Variants in CMTM8 observed in about 807,000 individuals in gnomAD.
The protein encoded by CMTM8 is CKLF-like MARVEL transmembrane domain-containing protein 8.
Under a neutral mutation model 18.6 loss-of-function variants are expected in CMTM8, and 12 were observed. The ratio of observed to expected loss-of-function variants is 0.65; its 90% CI spans 0.41 to 1.05. The LOEUF is 1.05. CMTM8 is among the 50% of genes least tolerant of loss of function. The pLI, the probability that CMTM8 is intolerant of heterozygous loss-of-function variation, is 0.00. For synonymous variants in CMTM8, 87 were observed against 90.6 expected (o/e 0.96, Z 0.23); for missense variants, 217 against 227.2 (o/e 0.95, Z 0.29).
intron 1 of CMTM8, among the ~76,000 whole-genome samples, chr3:32,250,283 T>G (rs557097176): frequency 6.6e-6 from 1 of 152,384 alleles, no homozygotes; most frequent in South Asian, 2.1e-4. Flanking sequence ...AACTTTGTAG[T>G]AAGTTTTGAA....
intron 1 of CMTM8, among the ~76,000 whole-genome samples, chr3:32,280,492 A>T (rs1317960458): frequency 1.3e-5 from 2 of 152,128 alleles, no homozygotes; most frequent in Non-Finnish European, 1.5e-5. Flanking sequence ...CAGACTGGTC[A>T]TGGGCCACTT....
chr3:32,336,022 G>T (rs1180186568), intron 1 of CMTM8, among the ~76,000 whole-genome samples: 2 of 152,216 alleles, frequency 1.3e-5, no homozygotes, highest in African/African-American at 4.8e-5. Flanking sequence ...CAGCATGAGG[G>T]CATGGATTCT....
chr3:32,246,017 G>A (rs1702010686), intron 1 of CMTM8, among the ~76,000 whole-genome samples: 1 of 152,096 alleles, frequency 6.6e-6, no homozygotes, highest in Admixed American at 6.5e-5. Flanking sequence ...AGGGTTTCAC[G>A]AAGTTAGCTA....
In CMTM8 at chr3:32,335,972, C is replaced by T. The variant is rs76833610; in HGVS notation, c.148-21401C>T. 6.1e-3 allele frequency among the ~76,000 whole-genome samples: 928 copies of T among 152,302 alleles called. 5 individuals are homozygous for T. Among genetic ancestry groups the T allele is most frequent in the Non-Finnish European group, 8.9e-3 (604 of 68,028 alleles). ...GGGAATGACAGACTCCAGAAAGCAG[C>T]CCTGACCAAGTGGGAGAGGCCCTCC... On this transcript the variant is annotated intron_variant, in intron 1 of 3. Coordinates refer to ENST00000307526, the MANE Select transcript of CMTM8 (RefSeq NM_178868.5).
intron 1 of CMTM8, among the ~76,000 whole-genome samples, chr3:32,313,363 G>A (rs1161499565): frequency 1.3e-5 from 2 of 152,162 alleles, no homozygotes; most frequent in East Asian, 3.8e-4. Context: ...GTATTCCTGT[G>A]TAGTGAGCTG....
chr3:32,351,987 G>T lies in CMTM8; in HGVS notation c.148-5386G>T, dbSNP rs147080678. 2.0e-3 allele frequency among the ~76,000 whole-genome samples: 298 copies of T among 152,012 alleles called. 1 individual carries two copies. Among genetic ancestry groups the T allele is most frequent in the Non-Finnish European group, 3.1e-3 (209 of 67,958 alleles). ...AGGTCAGGAATTCGAGACCAGCCCG[G>T]CCCACATGGTGAAACCCCGTTTATA... On this transcript the variant is annotated intron_variant, in intron 1 of 3. Coordinates refer to ENST00000307526, the MANE Select transcript of CMTM8 (RefSeq NM_178868.5).
chr3:32,268,716 G>A lies in CMTM8; in HGVS notation c.147+29597G>A, dbSNP rs147446069. Among the ~76,000 whole-genome samples the A allele has an allele frequency of 9.8e-3, 1,485 of 152,276 alleles. 21 individuals are homozygous for A. Among genetic ancestry groups the A allele is most frequent in the African/African-American group, 0.034 (1,399 of 41,536 alleles). Reference sequence around the variant, plus strand: ...GAGTGATTCCAGCTTTGTAGGTAGAGTGGGAAGATTCCATTGATTTATGTT... The same window carrying A: ...GAGTGATTCCAGCTTTGTAGGTAGAATGGGAAGATTCCATTGATTTATGTT... On this transcript the variant is annotated intron_variant, in intron 1 of 3. Coordinates refer to ENST00000307526, the MANE Select transcript of CMTM8 (RefSeq NM_178868.5).
intron 1 of CMTM8, among the ~76,000 whole-genome samples, chr3:32,343,911 G>T (rs1383721836): frequency 2.0e-5 from 3 of 152,156 alleles, no homozygotes; most frequent in African/African-American, 7.2e-5. Flanking sequence ...ACGTTGGCCA[G>T]GCTGGTCTCA....
chr3:32,361,701 G>A (rs1454047620), intron 2 of CMTM8, among the ~76,000 whole-genome samples: 1 of 152,136 alleles, frequency 6.6e-6, no homozygotes, highest in East Asian at 1.9e-4. Flanking sequence ...TCCCCTTAAT[G>A]TGTCTGGGGA....
chr3:32,280,797 T>A, intron 1 of CMTM8, among the ~76,000 whole-genome samples: 1 of 116,884 alleles, frequency 8.6e-6, no homozygotes, highest in African/African-American at 3.4e-5. Context: ...TCGACCCTAC[T>A]CAAATTACAT....
chr3:32,311,795 C>A (rs1695825033), intron 1 of CMTM8, among the ~76,000 whole-genome samples: 1 of 152,176 alleles, frequency 6.6e-6, no homozygotes, highest in Non-Finnish European at 1.5e-5. Context: ...AGTCTCAGTC[C>A]CACCAGACTG....
intron 1 of CMTM8, among the ~76,000 whole-genome samples, chr3:32,268,465 G>A (rs1020912610): frequency 6.6e-6 from 1 of 152,068 alleles, no homozygotes; most frequent in Non-Finnish European, 1.5e-5. Context: ...GAGCAGGGAG[G>A]GATAGCATTA....
At chr3:32,343,340 C>T (rs1349318784) in intron 1 of CMTM8, among the ~76,000 whole-genome samples, 1 of 152,168 alleles carries the variant, frequency 6.6e-6, no homozygotes, top group African/African-American at 2.4e-5. Flanking sequence ...AGGTGCCATC[C>T]TTGGAGACTG....
intron 1 of CMTM8, chr3:32,260,123 C>G (rs1255551341): frequency 2.8e-6 from 3 of 1,073,344 alleles, no homozygotes; most frequent in Non-Finnish European, 4.3e-6. Context: ...TGGTGATGCC[C>G]TGGACAGCAG....
At chr3:32,362,046 C>CTTTCTTTTT (rs1553608242) in intron 2 of CMTM8, among the ~76,000 whole-genome samples, 8 of 92,072 alleles carry the variant, frequency 8.7e-5, no homozygotes, top group African/African-American at 1.6e-4. Flanking sequence ...ATTTTCTTTT[C>CTTTCTTTTT]TTTTTTTTTT....
intron 2 of CMTM8, among the ~76,000 whole-genome samples, chr3:32,365,617 G>A (rs1697019492): frequency 1.3e-5 from 2 of 152,046 alleles, no homozygotes; most frequent in Non-Finnish European, 1.5e-5. Flanking sequence ...CCTAATTTTT[G>A]TATTTTTAGT....
At chr3:32,266,763 A>G (rs1213962648) in intron 1 of CMTM8, among the ~76,000 whole-genome samples, 10 of 152,234 alleles carry the variant, frequency 6.6e-5, no homozygotes, top group Admixed American at 3.3e-4. Context: ...AAGTCTCAGG[A>G]TACAAAATCA....
At chr3:32,330,095 C>G (rs565323540) in intron 1 of CMTM8, among the ~76,000 whole-genome samples, 3 of 151,534 alleles carry the variant, frequency 2.0e-5, no homozygotes, top group Admixed American at 2.0e-4. Flanking sequence ...AATAGAAAGA[C>G]ATTCTATGTT....
intron 1 of CMTM8, among the ~76,000 whole-genome samples, chr3:32,347,132 T>C (rs1696612572): frequency 6.6e-6 from 1 of 152,194 alleles, no homozygotes; most frequent in South Asian, 2.1e-4. Context: ...GCTCAGCCTA[T>C]TCGTTTATGA....
Sources: allele counts gnomAD v4.1 joint callset (sites outside exome capture counted in the v4.1 genomes callset), GRCh38; gene constraint gnomAD v4.1.1; transcripts MANE v1.5; gene names NCBI Gene and HGNC (gene_info 2026-07-23, HGNC 2026-07-21).